Variants in TGIF2 observed in about 807,000 individuals in gnomAD.
The protein encoded by TGIF2 is TGFB induced factor homeobox 2, also known as homeobox protein TGIF2.
TGIF2 carries 5 observed loss-of-function variants against 15.1 expected under a neutral mutation model. The ratio of observed to expected loss-of-function variants is 0.33; its 90% CI spans 0.17 to 0.70. The LOEUF is 0.70. Ranked by LOEUF, TGIF2 falls within the 30% of genes least tolerant of loss-of-function variation. The pLI is 0.67. For missense variants in TGIF2, 264 were observed against 302.5 expected (o/e 0.87, Z 0.94); for synonymous variants, 131 against 128.9 (o/e 1.02, Z -0.11).
intron 1 of TGIF2, among the ~76,000 whole-genome samples, chr20:36,577,457 C>T (rs539513911): frequency 5.5e-4 from 84 of 151,418 alleles, no homozygotes; most frequent in African/African-American, 2.0e-3. Flanking sequence ...GTGAGCCACC[C>T]ACCTCGGCCT....
intron 2 of TGIF2, among the ~76,000 whole-genome samples, chr20:36,583,858 C>T (rs557827814): frequency 3.9e-5 from 6 of 152,194 alleles, no homozygotes; most frequent in Non-Finnish European, 8.8e-5. Flanking sequence ...GACTGAGCCA[C>T]CGCACTCCAG....
chr20:36,575,288 A>C (rs2038404380), intron 1 of TGIF2, among the ~76,000 whole-genome samples: 1 of 151,940 alleles, frequency 6.6e-6, no homozygotes, highest in Non-Finnish European at 1.5e-5. Context: ...TGGGGTGCAT[A>C]TGTGGGAAGC....
intron 2 of TGIF2, among the ~76,000 whole-genome samples, chr20:36,582,710 C>T (rs1299073229): frequency 6.6e-6 from 1 of 152,182 alleles, no homozygotes; most frequent in Non-Finnish European, 1.5e-5. Flanking sequence ...GGAGGGGACC[C>T]GTGGTGGCCA....
rs1422482858 is a variant in TGIF2 at position 36,573,732 on chromosome 20, A to G, written c.-48A>G. The G allele has an allele frequency of 6.6e-6, 1 of 151,556 alleles. No individual in the cohort carries two copies. The highest frequency in any genetic ancestry group is 2.0e-4 in the East Asian group (1 of 5,090). 9.4% of individuals were successfully genotyped at this position (151,556 alleles called of 1,614,324 possible). ...GAGCCGGAGGCCGCGTGGACCCGAA[A>G]GCCGCTGGGAAAAGTCAGTGCAGGG... On this transcript the variant is annotated 5_prime_UTR_variant, in exon 1 of 3. Coordinates refer to ENST00000373872, the MANE Select transcript of TGIF2 (RefSeq NM_021809.7).
At chr20:36,589,146 T>C (rs923052046) in intron 2 of TGIF2, among the ~76,000 whole-genome samples, 1 of 152,224 alleles carries the variant, frequency 6.6e-6, no homozygotes, top group Non-Finnish European at 1.5e-5. Context: ...GAGTTTCTCT[T>C]ATCTTTATAA....
chr20:36,575,382 A>T (rs1376956497), intron 1 of TGIF2, among the ~76,000 whole-genome samples: 1 of 152,028 alleles, frequency 6.6e-6, no homozygotes, highest in Non-Finnish European at 1.5e-5. Context: ...CCCAGGGCCC[A>T]CCCGGGGAAC....
At chr20:36,574,403 G>T (rs1292213358) in intron 1 of TGIF2, 2 of 148,018 alleles carry the variant, frequency 1.4e-5, no homozygotes, top group African/African-American at 5.0e-5. Context: ...AGTCTCCGGG[G>T]CAGGGGGCGG....
intron 2 of TGIF2, among the ~76,000 whole-genome samples, chr20:36,584,577 C>A (rs1460893391): frequency 6.7e-6 from 1 of 150,124 alleles, no homozygotes; most frequent in Non-Finnish European, 1.5e-5. Context: ...GAGACGGAGT[C>A]ACTCTGTCGC....
chr20:36,590,167 G>A (rs2038740505), intron 2 of TGIF2, among the ~76,000 whole-genome samples: 1 of 152,138 alleles, frequency 6.6e-6, no homozygotes, highest in Non-Finnish European at 1.5e-5. Context: ...ATGTTGCCCA[G>A]GCTGGTCTCG....
At position 36,593,611 on chromosome 20, in the gene TGIF2, A is replaced by T. The variant is rs559594378; in HGVS notation, c.*2180A>T. 6.5e-6 allele frequency: 1 copy of T among 152,858 alleles called. No homozygotes were observed. Among genetic ancestry groups the T allele is most frequent in the East Asian group, 1.9e-4 (1 of 5,188 alleles). The allele number at this position is 152,858 out of a possible 1,614,324, so 9.5% of individuals were successfully genotyped here. ...TGCTGCCATTTGCCCAGCCTCTTCC[A>T]TCCCAGCCCTGTCAGTGAGCCCAGG... On this transcript the variant is annotated 3_prime_UTR_variant, in exon 3 of 3. Transcript: ENST00000373872.
At position 36,591,252 on chromosome 20, in the gene TGIF2, C is replaced by A; in HGVS notation, c.535C>A (p.Leu179Ile). The A allele has an allele frequency of 1.2e-6, 2 of 1,614,222 alleles. No individual in the cohort carries two copies. The highest frequency in any genetic ancestry group is 1.7e-6 in the Non-Finnish European group (2 of 1,180,034). ...RAEAGSPTGG[L>I]FNTPPPTPPE... ...TGAGGCTGGAAGCCCCACAGGTGGA[C>A]TCTTCAACACGCCACCACCCACACC... The change falls in exon 3 of 3, where the codon CTC becomes ATC. Residue 179 changes from leucine (L) to isoleucine (I), a missense_variant. By Grantham distance (5) the Leu-to-Ile change is conservative. Transcript: ENST00000373872. The surrounding 1 kb of genome is among the most constrained non-coding windows in gnomAD (Gnocchi z 5.3).
chr20:36,587,800 C>T (rs1162510193), intron 2 of TGIF2, among the ~76,000 whole-genome samples: 1 of 152,090 alleles, frequency 6.6e-6, no homozygotes, highest in Admixed American at 6.5e-5. Flanking sequence ...CGTGGTGGCT[C>T]ACACCTGTAA....
intron 1 of TGIF2, among the ~76,000 whole-genome samples, chr20:36,575,392 C>T (rs936786038): frequency 1.3e-5 from 2 of 152,092 alleles, no homozygotes; most frequent in African/African-American, 4.8e-5. Flanking sequence ...ACCCGGGGAA[C>T]CCTGCAGACA....
intron 2 of TGIF2, 131 bp downstream of exon 2, chr20:36,579,097 T>G (rs1231899598): frequency 7.9e-7 from 1 of 1,273,256 alleles, no homozygotes; most frequent in African/African-American, 1.5e-5. Context: ...CTTCTTGGGT[T>G]AGGGGAGAAC....
rs762014222 is a variant in TGIF2, at chr20:36,584,786, G to A, written c.192+5820G>A. Among the ~76,000 whole-genome samples, 40 of 152,064 alleles carry A rather than the reference G, an allele frequency of 2.6e-4. 1 individual carries two copies. Among genetic ancestry groups the A allele is most frequent in the Non-Finnish European group, 2.2e-4 (15 of 67,994 alleles). On this transcript the variant is annotated intron_variant, in intron 2 of 2. Coordinates refer to ENST00000373872, the MANE Select transcript of TGIF2 (RefSeq NM_021809.7). ...GGTCTCGAACTCCCGACCTCAGGTG[G>A]TCTCACTTCAGCCTCCCAAAGTGCT...
At chr20:36,590,426 G>C (rs1337214656) in intron 2 of TGIF2, among the ~76,000 whole-genome samples, 2 of 152,180 alleles carry the variant, frequency 1.3e-5, no homozygotes, top group Admixed American at 6.5e-5. Context: ...GCTAATTTTT[G>C]TATTTTTAGT....
chr20:36,585,388 G>A (rs1035730972), intron 2 of TGIF2, among the ~76,000 whole-genome samples: 1 of 150,412 alleles, frequency 6.6e-6, no homozygotes, highest in African/African-American at 2.5e-5. Flanking sequence ...ACTTGAACCC[G>A]GGGGTGGTGG....
rs1008367150 is a variant in TGIF2, at chr20:36,588,429, A to G, written c.193-2481A>G. Among the ~76,000 whole-genome samples the G allele has an allele frequency of 3.7e-5, 5 of 134,114 alleles. No individual in the cohort carries two copies. In the East Asian group the frequency reaches 1.1e-3, roughly 29 times the overall value. 88.0% of individuals were successfully genotyped at this position (134,114 alleles called of 152,430 possible). On this transcript the variant is annotated intron_variant, in intron 2 of 2. Coordinates refer to ENST00000373872, the MANE Select transcript of TGIF2 (RefSeq NM_021809.7). ...CGCGCAGGCTGGAGTGCAGTGGCGC[A>G]ATTTTGACTCACCGCAACCTCTGCC...
At chr20:36,585,306 TGACCAATGTGGTGAAACCCCGTCTCTAC>T in intron 2 of TGIF2, among the ~76,000 whole-genome samples, 1 of 151,930 alleles carries the variant, frequency 6.6e-6, no homozygotes, top group East Asian at 1.9e-4. Context: ...TAGACCAGTC[TGACCAATGTGGTGAAACCCCGTCTCTAC>T]TAAAAATAGT....
Sources: gnomAD v4.1 joint callset for allele counts (sites outside exome capture counted in the v4.1 genomes callset) on GRCh38, gnomAD v4.1.1 for gene constraint, Gnocchi (gnomAD v3.1) non-coding constraint, MANE v1.5 for transcripts, NCBI Gene and HGNC (gene_info 2026-07-23, HGNC 2026-07-21) for gene names.